GBE1: variants seen among roughly 807,000 people sequenced by gnomAD.
GBE1 encodes the protein 1,4-alpha-glucan branching enzyme 1.
A neutral mutation model predicts 88.8 loss-of-function variants in GBE1; 70 were observed. The observed-to-expected ratio is 0.79, with a 90% CI of 0.65 to 0.96. GBE1 has a LOEUF of 0.96. GBE1 is among the 40% of genes least tolerant of loss of function. The probability of loss-of-function intolerance (pLI) is 0.00; values close to 1 mark genes in which losing one functional copy is unlikely to be tolerated. For synonymous variants in GBE1, 284 were observed against 300.1 expected (o/e 0.95, Z 0.56); for missense variants, 872 against 871.0 (o/e 1.00, Z -0.01).
intron 14 of GBE1, among the ~76,000 whole-genome samples, chr3:81,529,392 T>G (rs1392168639): frequency 6.6e-6 from 1 of 151,904 alleles, no homozygotes; most frequent in Non-Finnish European, 1.5e-5. Context: ...TCTGTGTACT[T>G]ATTATTACGA....
intron 12 of GBE1, among the ~76,000 whole-genome samples, chr3:81,554,260 A>C (rs1010134752): frequency 6.6e-6 from 1 of 152,174 alleles, no homozygotes; most frequent in East Asian, 1.9e-4. Context: ...TAACTCAGAA[A>C]ATAATTTGCT....
chr3:81,737,996 T>C (rs1250021397), intron 1 of GBE1, among the ~76,000 whole-genome samples: 2 of 151,970 alleles, frequency 1.3e-5, no homozygotes, highest in Admixed American at 6.6e-5. Flanking sequence ...AGTGAGAATA[T>C]GCAGTGTTTG....
intron 1 of GBE1, among the ~76,000 whole-genome samples, chr3:81,720,093 T>C (rs1393574713): frequency 6.6e-6 from 1 of 151,980 alleles, no homozygotes; most frequent in Non-Finnish European, 1.5e-5. Context: ...AGCAGTGAAA[T>C]ATCAAAGATC....
At chr3:81,668,523 A>G (rs945053875) in intron 3 of GBE1, among the ~76,000 whole-genome samples, 7 of 152,160 alleles carry the variant, frequency 4.6e-5, no homozygotes, top group African/African-American at 9.7e-5. Context: ...TTAGCTGTCA[A>G]TGGGAAACAT....
intron 7 of GBE1, among the ~76,000 whole-genome samples, chr3:81,630,182 A>G (rs189654871): frequency 2.0e-5 from 3 of 152,292 alleles, no homozygotes; most frequent in Admixed American, 2.0e-4. Context: ...TTCAAAGAGA[A>G]TAAAATACCT....
chr3:81,697,359 G>T (rs1035484075), intron 2 of GBE1, among the ~76,000 whole-genome samples: 1 of 151,586 alleles, frequency 6.6e-6, no homozygotes, highest in African/African-American at 2.4e-5. Context: ...GAGTGCAGGG[G>T]TGTGATCTCG....
At chr3:81,518,747 A>T (rs533868593) in intron 14 of GBE1, among the ~76,000 whole-genome samples, 1 of 151,680 alleles carries the variant, frequency 6.6e-6, no homozygotes, top group Admixed American at 6.6e-5. Flanking sequence ...AAGCTATTTT[A>T]AAAAAGGAGG....
chr3:81,720,490 T>C (rs1706012554), intron 1 of GBE1, among the ~76,000 whole-genome samples: 1 of 152,030 alleles, frequency 6.6e-6, no homozygotes, highest in African/African-American at 2.4e-5. Context: ...TCCTCTGCAT[T>C]GTGTGCATGT....
At chr3:81,504,395 T>C (rs1409150944) in intron 14 of GBE1, among the ~76,000 whole-genome samples, 3 of 152,200 alleles carry the variant, frequency 2.0e-5, no homozygotes, top group Non-Finnish European at 4.4e-5. Context: ...GTCCATTTCT[T>C]ATTTGGTCCA....
intron 10 of GBE1, among the ~76,000 whole-genome samples, chr3:81,585,256 G>T (rs1703787076): frequency 6.6e-6 from 1 of 152,026 alleles, no homozygotes; most frequent in African/African-American, 2.4e-5. Context: ...GCTAAGAAAT[G>T]ATTATAGTAA....
At chr3:81,503,019 C>A (rs1032437365) in intron 14 of GBE1, among the ~76,000 whole-genome samples, 2 of 152,110 alleles carry the variant, frequency 1.3e-5, no homozygotes, top group Non-Finnish European at 2.9e-5. Context: ...TCCCAATTTC[C>A]CAATAAAACT....
At chr3:81,625,113 GGGAGAA>G (rs1281472843) in intron 7 of GBE1, among the ~76,000 whole-genome samples, 2 of 146,094 alleles carry the variant, frequency 1.4e-5, no homozygotes, top group Admixed American at 7.0e-5. Flanking sequence ...GGGAGGGGGA[GGGAGAA>G]GGAGGGATGT....
intron 7 of GBE1, among the ~76,000 whole-genome samples, chr3:81,633,721 G>T (rs982295371): frequency 6.6e-6 from 1 of 152,094 alleles, no homozygotes; most frequent in African/African-American, 2.4e-5. Context: ...ACAAAATAGA[G>T]TATTAAATAC....
chr3:81,617,205 C>T (rs1704260528), intron 7 of GBE1, among the ~76,000 whole-genome samples: 1 of 151,728 alleles, frequency 6.6e-6, no homozygotes, highest in South Asian at 2.1e-4. Context: ...ATCTCTATGT[C>T]TTATTTTCTT....
At chr3:81,587,093 C>G (rs529581867) in intron 9 of GBE1, among the ~76,000 whole-genome samples, 23 of 152,126 alleles carry the variant, frequency 1.5e-4, no homozygotes, top group Non-Finnish European at 1.2e-4. Flanking sequence ...CAAGCCACCA[C>G]ACCCAGTCGA....
intron 14 of GBE1, among the ~76,000 whole-genome samples, chr3:81,527,107 C>A (rs1702953608): frequency 6.6e-6 from 1 of 152,196 alleles, no homozygotes; most frequent in African/African-American, 2.4e-5. Flanking sequence ...CTGACAAAAA[C>A]AAGCAATGGG....
chr3:81,573,892 G>T (rs1703609279), intron 12 of GBE1, among the ~76,000 whole-genome samples: 1 of 151,672 alleles, frequency 6.6e-6, no homozygotes, highest in Non-Finnish European at 1.5e-5. Flanking sequence ...ACACACAAAG[G>T]AAACAGTCAA....
intron 2 of GBE1, among the ~76,000 whole-genome samples, chr3:81,694,906 C>A (rs1242241550): frequency 6.6e-6 from 1 of 152,144 alleles, no homozygotes; most frequent in African/African-American, 2.4e-5. Context: ...TCATTATAAT[C>A]TCATTTCCAT....
chr3:81,754,727 AG>A (rs1706578530), intron 1 of GBE1, among the ~76,000 whole-genome samples: 2 of 152,204 alleles, frequency 1.3e-5, no homozygotes, highest in African/African-American at 4.8e-5. Flanking sequence ...AAATGGGGAA[AG>A]GACAGTCTAT....
Sources: allele counts gnomAD v4.1 joint callset (sites outside exome capture counted in the v4.1 genomes callset), GRCh38; gene constraint gnomAD v4.1.1; transcripts MANE v1.5; gene names NCBI Gene and HGNC (gene_info 2026-07-23, HGNC 2026-07-21).